Variants in GAL3ST3 observed in about 807,000 individuals in gnomAD.
GAL3ST3 encodes the protein galactose-3-O-sulfotransferase 3.
A neutral mutation model predicts 20.8 loss-of-function variants in GAL3ST3; 21 were observed. The ratio of observed to expected loss-of-function variants is 1.01; its 90% CI spans 0.72 to 1.45. GAL3ST3 has a LOEUF of 1.45. GAL3ST3 is among the 40% of genes most tolerant of loss of function. The probability of loss-of-function intolerance (pLI) is 0.00; values close to 1 mark genes in which losing one functional copy is unlikely to be tolerated. For synonymous variants in GAL3ST3, 355 were observed against 307.2 expected (o/e 1.16, Z -1.63); for missense variants, 739 against 662.7 (o/e 1.12, Z -1.26).
chr11:66,042,918 G>C lies in GAL3ST3; in HGVS notation c.885C>G (p.Ala295=), dbSNP rs1479202043. Residue 295 remains alanine (A), a synonymous_variant, in exon 3 of 3, where the codon GCC becomes GCG. Transcript: ENST00000312006. ...TGGCGTTGAAGTGGTCGTAGAGGCC[G>C]GCGTCCAGGGCGTTCCAGGTGCGCG... ...RAARTWNALD[A]GLYDHFNATF... 1 of 1,222,402 alleles carries C rather than the reference G, an allele frequency of 8.2e-7. No homozygotes were observed. Among genetic ancestry groups the C allele is most frequent in the South Asian group, 1.8e-5 (1 of 55,172 alleles). 75.7% of individuals were successfully genotyped at this position (1,222,402 alleles called of 1,614,324 possible).
intron 1 of GAL3ST3, among the ~76,000 whole-genome samples, chr11:66,045,833 C>G (rs1468983462): frequency 1.3e-5 from 2 of 152,150 alleles, no homozygotes; most frequent in Non-Finnish European, 2.9e-5. Flanking sequence ...TACATGTCTC[C>G]CCAGTGGAGT....
In GAL3ST3 at chr11:66,042,287, C is replaced by T; in HGVS notation, c.*220G>A. The T allele has an allele frequency of 2.0e-6, 1 of 502,252 alleles. No individual in the cohort carries two copies. Among genetic ancestry groups the T allele is most frequent in the Non-Finnish European group, 3.5e-6 (1 of 289,146 alleles). 31.1% of individuals were successfully genotyped at this position (502,252 alleles called of 1,614,324 possible). The stretch of plus-strand genomic sequence containing the variant: ...CAACCAGCTGGGAAGGAGAGGGTGG[C>T]CCAGCGCTGGATCCAGCCTATCAGC... On this transcript the variant is annotated 3_prime_UTR_variant, in exon 3 of 3. Transcript: ENST00000312006.
At chr11:66,046,501 C>T (rs1221054154) in intron 1 of GAL3ST3, among the ~76,000 whole-genome samples, 3 of 152,292 alleles carry the variant, frequency 2.0e-5, no homozygotes, top group Admixed American at 6.5e-5. Context: ...GCAGCCTGGG[C>T]GGGGTGTGGG....
In GAL3ST3 at chr11:66,042,589, G is replaced by A. The variant is rs1856718686; in HGVS notation, c.1214C>T (p.Ala405Val). 1.3e-6 allele frequency: 2 copies of A among 1,531,486 alleles called. No homozygotes were observed. Among genetic ancestry groups the A allele is most frequent in the Non-Finnish European group, 1.7e-6 (2 of 1,144,418 alleles). The allele number at this position is 1,531,486 out of a possible 1,614,324, so 94.9% of individuals were successfully genotyped here. ...LLRKQKRRGG[A>V]RARPEPVLDN... ...CAGGACGGGCTCGGGCCGAGCCCGC[G>A]CACCGCCCCGGCGCTTCTGCTTGCG... The change falls in exon 3 of 3, where the codon GCG becomes GTG. Residue 405 changes from alanine (A) to valine (V), a missense_variant. Physicochemically the swap from Ala to Val is moderately conservative, Grantham distance 64. Coordinates refer to ENST00000312006, the MANE Select transcript of GAL3ST3 (RefSeq NM_033036.3).
In GAL3ST3 at chr11:66,043,437, C is replaced by A; in HGVS notation, c.366G>T (p.Pro122=). 1 of 1,608,840 alleles carries A rather than the reference C, an allele frequency of 6.2e-7. No homozygotes were observed. Among genetic ancestry groups the A allele is most frequent in the Non-Finnish European group, 8.5e-7 (1 of 1,178,018 alleles). Residue 122 remains proline (P), a synonymous_variant, in exon 3 of 3, where the codon CCG becomes CCT. Coordinates refer to ENST00000312006, the MANE Select transcript of GAL3ST3 (RefSeq NM_033036.3). ...SAHFVHPATR[P]PHVLASHLRF... ...GCAGGTGGCTGGCCAGCACGTGCGG[C>A]GGCCGCGTGGCCGGGTGCACGAAGT...
intron 2 of GAL3ST3, among the ~76,000 whole-genome samples, chr11:66,044,201 C>T (rs753189269): frequency 2.0e-5 from 3 of 152,192 alleles, no homozygotes; most frequent in South Asian, 2.1e-4. Context: ...ATCAAGCCTT[C>T]GGATGAGACT....
rs888018607 is a variant in GAL3ST3, at chr11:66,042,008, A to C, written c.*499T>G. 1.3e-5 allele frequency: 2 copies of C among 153,402 alleles called. No individual in the cohort carries two copies. The highest frequency in any genetic ancestry group is 4.8e-5 in the African/African-American group (2 of 41,474). The allele number at this position is 153,402 out of a possible 1,614,324, so 9.5% of individuals were successfully genotyped here. A position where few individuals can be genotyped will look rare whatever the true frequency, so the allele number is the denominator to read the frequency against. On this transcript the variant is annotated 3_prime_UTR_variant, in exon 3 of 3. Transcript: ENST00000312006. Reference sequence around the variant, plus strand: ...AAAAACCAACCAAACAAAAATCCCAACCCAAGAACTCTTGGTTCTGGGAGA... The same window carrying C: ...AAAAACCAACCAAACAAAAATCCCACCCCAAGAACTCTTGGTTCTGGGAGA...
In GAL3ST3 at chr11:66,045,485, G is replaced by T. The variant is rs1039061210; in HGVS notation, c.-70C>A. On this transcript the variant is annotated 5_prime_UTR_variant, in exon 2 of 3. Coordinates refer to ENST00000312006, the MANE Select transcript of GAL3ST3 (RefSeq NM_033036.3). ...GACTCCCTTCACAGGCACTCATGGG[G>T]GATCCTGCGGCTCTGGTAGCAGGGC... 6.2e-5 allele frequency: 89 copies of T among 1,443,664 alleles called. No homozygotes were observed. Among genetic ancestry groups the T allele is most frequent in the Non-Finnish European group, 7.6e-5 (83 of 1,088,418 alleles). The allele number at this position is 1,443,664 out of a possible 1,614,324, so 89.4% of individuals were successfully genotyped here.
chr11:66,042,972 G>A lies in GAL3ST3; in HGVS notation c.831C>T (p.Ala277=), dbSNP rs762270571. 6 of 1,534,996 alleles carry A rather than the reference G, an allele frequency of 3.9e-6. No homozygotes were observed. The South Asian group carries it at 5.9e-5, about 15-fold the overall frequency. The change falls in exon 3 of 3, where the codon GCC becomes GCT. Residue 277 remains alanine (A), a synonymous_variant. Transcript: ENST00000312006. ...CCCGCGCCAGCGCCGCGGGGATGGC[G>A]GCCAGGCGCGAGCTGGCGGCGCGCG... ...LNARAASSRL[A]AIPAALARAA... is the part of the protein sequence containing the mutation.
intron 2 of GAL3ST3, 191 bp downstream of exon 2, chr11:66,045,100 C>T (rs1856766199): frequency 2.3e-6 from 1 of 442,046 alleles, no homozygotes; most frequent in Non-Finnish European, 4.0e-6. Flanking sequence ...TCTCAGCTAA[C>T]TGATTCTGTA....
rs1334752450 is a variant in GAL3ST3, at chr11:66,042,379, A to G, written c.*128T>C. The stretch of plus-strand genomic sequence containing the variant: ...GGGCTCAGATAGGGAGGCGTACCCC[A>G]AAGTTCAGCGAGGGACTCAAGCCCC... On this transcript the variant is annotated 3_prime_UTR_variant, in exon 3 of 3. Transcript: ENST00000312006. 17 of 735,996 alleles carry G rather than the reference A, an allele frequency of 2.3e-5. No individual in the cohort carries two copies. Among genetic ancestry groups the G allele is most frequent in the Non-Finnish European group, 3.1e-5 (15 of 486,890 alleles). 45.6% of individuals were successfully genotyped at this position (735,996 alleles called of 1,614,324 possible). A position where few individuals can be genotyped will look rare whatever the true frequency, so the allele number is the denominator to read the frequency against.
At position 66,042,941 on chromosome 11, in the gene GAL3ST3, G is replaced by T; in HGVS notation, c.862C>A (p.Arg288Ser). ...CCGGCGTCCAGGGCGTTCCAGGTGC[G>T]CGCCGCCCGCGCCAGCGCCGCGGGG... ...AIPAALARAA[R>S]TWNALDAGLY... Residue 288 changes from arginine (R) to serine (S), a missense_variant, in exon 3 of 3, where the codon CGC becomes AGC. Arg to Ser is a moderately radical substitution (Grantham distance 110). Coordinates refer to ENST00000312006, the MANE Select transcript of GAL3ST3 (RefSeq NM_033036.3). 8.0e-7 allele frequency: 1 copy of T among 1,250,830 alleles called. No homozygotes were observed. The allele number at this position is 1,250,830 out of a possible 1,614,324, so 77.5% of individuals were successfully genotyped here.
chr11:66,042,852 C>T lies in GAL3ST3; in HGVS notation c.951G>A (p.Val317=). The T allele has an allele frequency of 8.2e-7, 1 of 1,215,454 alleles. No individual in the cohort carries two copies. The highest frequency in any genetic ancestry group is 1.0e-6 in the Non-Finnish European group (1 of 972,484). 75.3% of individuals were successfully genotyped at this position (1,215,454 alleles called of 1,614,324 possible). A position where few individuals can be genotyped will look rare whatever the true frequency, so the allele number is the denominator to read the frequency against. The change falls in exon 3 of 3, where the codon GTG becomes GTA. Residue 317 remains valine (V), a synonymous_variant. Transcript: ENST00000312006. ...RHVARAGRAC[V]EREARELREA... Reference sequence around the variant, plus strand: ...CGCGCAGCTCGCGCGCCTCGCGCTCCACGCACGCGCGGCCCGCGCGCGCCA... The same window carrying T: ...CGCGCAGCTCGCGCGCCTCGCGCTCTACGCACGCGCGGCCCGCGCGCGCCA...
Position 66,043,247 on chromosome 11 carries a change from C to T in GAL3ST3, c.556G>A (p.Ala186Thr). The change falls in exon 3 of 3, where the codon GCG becomes ACG. Residue 186 changes from alanine (A) to threonine (T), a missense_variant. Transcript: ENST00000312006. ...CCAGCGCGGTAGTATGCCTCGGGCG[C>T]GCGCAGGAAGGCCTCGAGCGAGGCG... ...PNASLEAFLR[A>T]PEAYYRAGEH... 6.2e-7 allele frequency: 1 copy of T among 1,612,240 alleles called. No homozygotes were observed. The highest frequency in any genetic ancestry group is 1.1e-5 in the South Asian group (1 of 91,016).
rs998694951 is a variant in GAL3ST3, at chr11:66,042,693, G to A, written c.1110C>T (p.Pro370=). 192 of 1,533,898 alleles carry A rather than the reference G, an allele frequency of 1.3e-4. No individual in the cohort carries two copies. The highest frequency in any genetic ancestry group is 1.6e-4 in the Non-Finnish European group (189 of 1,145,780). ...RKVDIMGYDL[P]GGGAGPATEA... ...CGGTGGCCGGGCCGGCGCCGCCGCCGGGCAGGTCATAGCCCATAATGTCCA... is the reference window on the plus strand; with the variant it reads ...CGGTGGCCGGGCCGGCGCCGCCGCCAGGCAGGTCATAGCCCATAATGTCCA... Residue 370 remains proline (P), a synonymous_variant, in exon 3 of 3, where the codon CCC becomes CCT. Coordinates refer to ENST00000312006, the MANE Select transcript of GAL3ST3 (RefSeq NM_033036.3).
rs1372122094 is a variant in GAL3ST3, at chr11:66,042,802, C to T, written c.1001G>A (p.Arg334His). Reference protein sequence around the residue: ...LREARQRLLRRCFGDEPLLRP... With the variant: ...LREARQRLLRHCFGDEPLLRP... The stretch of plus-strand genomic sequence containing the variant: ...CAGCAGTGGCTCGTCCCCGAAGCAG[C>T]GCCGCAGTAGGCGCTGGCGGGCCTC... The change falls in exon 3 of 3, where the codon CGC becomes CAC. Residue 334 changes from arginine to histidine, a missense_variant. Arg to His is a conservative substitution (Grantham distance 29). Transcript: ENST00000312006. The T allele has an allele frequency of 4.1e-6, 6 of 1,453,198 alleles. No individual in the cohort carries two copies. Among genetic ancestry groups the T allele is most frequent in the East Asian group, 5.5e-5 (2 of 36,692 alleles). The allele number at this position is 1,453,198 out of a possible 1,614,324, so 90.0% of individuals were successfully genotyped here. A position where few individuals can be genotyped will look rare whatever the true frequency, so the allele number is the denominator to read the frequency against.
rs1856701275 is a variant in GAL3ST3, at chr11:66,041,363, C to A, written c.*1144G>T. 6.6e-6 allele frequency among the ~76,000 whole-genome samples: 1 copy of A among 152,176 alleles called. No homozygotes were observed. Among genetic ancestry groups the A allele is most frequent in the African/African-American group, 2.4e-5 (1 of 41,440 alleles). Reference sequence around the variant, plus strand: ...TAACAGAAAAAGTTCCAATTCTCTGCTAGTCTTAAGGGAGATTTCACCTGG... The same window carrying A: ...TAACAGAAAAAGTTCCAATTCTCTGATAGTCTTAAGGGAGATTTCACCTGG... On this transcript the variant is annotated 3_prime_UTR_variant, in exon 3 of 3. Coordinates refer to ENST00000312006, the MANE Select transcript of GAL3ST3 (RefSeq NM_033036.3).
intron 1 of GAL3ST3, among the ~76,000 whole-genome samples, chr11:66,047,343 AACC>A (rs1856792376): frequency 1.3e-5 from 2 of 152,218 alleles, no homozygotes; most frequent in Admixed American, 6.5e-5. Flanking sequence ...AACTTGCAGA[AACC>A]ACCCTATTTC....
At chr11:66,047,025 C>A (rs1304094805) in intron 1 of GAL3ST3, among the ~76,000 whole-genome samples, 1 of 152,198 alleles carries the variant, frequency 6.6e-6, no homozygotes, top group African/African-American at 2.4e-5. Context: ...GGCCTTATCG[C>A]TGCTTCCCTC....
Sources: gnomAD v4.1 joint callset for allele counts (sites outside exome capture counted in the v4.1 genomes callset) on GRCh38, gnomAD v4.1.1 for gene constraint, MANE v1.5 for transcripts, NCBI Gene and HGNC (gene_info 2026-07-23, HGNC 2026-07-21) for gene names.